STAU2: variants seen among roughly 807,000 people sequenced by gnomAD.
The protein encoded by STAU2 is staufen double-stranded RNA binding protein 2.
STAU2 carries 20 observed loss-of-function variants against 65.9 expected under a neutral mutation model. The ratio of observed to expected loss-of-function variants is 0.30; its 90% CI spans 0.21 to 0.44. The LOEUF is 0.44. Among genes scored for constraint, STAU2 ranks in the 20% least tolerant of loss-of-function variants. The pLI, the probability that STAU2 is intolerant of heterozygous loss-of-function variation, is 1.00. For synonymous variants in STAU2, 232 were observed against 233.9 expected (o/e 0.99, Z 0.07); for missense variants, 558 against 683.9 (o/e 0.82, Z 2.05).
intron 4 of STAU2, among the ~76,000 whole-genome samples, chr8:73,704,652 A>G (rs1168241787): frequency 1.3e-5 from 2 of 152,180 alleles, no homozygotes; most frequent in South Asian, 2.1e-4. Flanking sequence ...CAAATTTTTC[A>G]TAATAAATTA....
chr8:73,598,392 T>A (rs1811370749), intron 10 of STAU2, among the ~76,000 whole-genome samples: 1 of 152,126 alleles, frequency 6.6e-6, no homozygotes, highest in African/African-American at 2.4e-5. Flanking sequence ...CATGCCCGGC[T>A]AATTTTTTGT....
intron 13 of STAU2, among the ~76,000 whole-genome samples, chr8:73,487,963 G>A (rs1820998036): frequency 6.6e-6 from 1 of 151,878 alleles, no homozygotes; most frequent in African/African-American, 2.4e-5. Context: ...TATATTCTTT[G>A]GGAAAAAAAT....
At chr8:73,616,649 T>C (rs1250767421) in intron 7 of STAU2, among the ~76,000 whole-genome samples, 1 of 151,982 alleles carries the variant, frequency 6.6e-6, no homozygotes, top group Non-Finnish European at 1.5e-5. Flanking sequence ...ATACAAAAAA[T>C]TAGCTGGGCG....
intron 13 of STAU2, among the ~76,000 whole-genome samples, chr8:73,466,149 T>C (rs928671445): frequency 2.0e-5 from 3 of 152,242 alleles, no homozygotes; most frequent in Non-Finnish European, 2.9e-5. Flanking sequence ...AGCACACTTG[T>C]AGACCTCACA....
intron 13 of STAU2, among the ~76,000 whole-genome samples, chr8:73,473,658 G>T (rs980683488): frequency 6.6e-6 from 1 of 152,078 alleles, no homozygotes; most frequent in African/African-American, 2.4e-5. Flanking sequence ...AGAGAGAAAC[G>T]GCCAGAGGCT....
intron 13 of STAU2, among the ~76,000 whole-genome samples, chr8:73,497,156 CT>C (rs1821463797): frequency 6.6e-6 from 1 of 151,616 alleles, no homozygotes; most frequent in Non-Finnish European, 1.5e-5. Context: ...TGAACTCAAC[CT>C]CACAGAAAGT....
intron 13 of STAU2, among the ~76,000 whole-genome samples, chr8:73,504,784 T>C (rs898072571): frequency 1.3e-5 from 2 of 152,136 alleles, no homozygotes; most frequent in African/African-American, 4.8e-5. Flanking sequence ...TTAAATAATT[T>C]CTCCAAATTG....
chr8:73,551,887 T>G (rs909934738), intron 13 of STAU2, 125 bp downstream of exon 13: 9 of 1,349,862 alleles, frequency 6.7e-6, no homozygotes, highest in Non-Finnish European at 8.6e-6. Flanking sequence ...TGTTCCTAAA[T>G]AACTTAAAAC....
At chr8:73,533,776 C>T (rs1159276947) in intron 13 of STAU2, among the ~76,000 whole-genome samples, 1 of 152,068 alleles carries the variant, frequency 6.6e-6, no homozygotes, top group African/African-American at 2.4e-5. Flanking sequence ...ACATAAAATG[C>T]TAGGTGTGTG....
chr8:73,604,421 G>A (rs539201187), intron 9 of STAU2, among the ~76,000 whole-genome samples: 1 of 152,018 alleles, frequency 6.6e-6, no homozygotes, highest in Admixed American at 6.6e-5. Flanking sequence ...GTAGAGATGG[G>A]GTTTCATCAT....
At chr8:73,487,072 C>G (rs1466778712) in intron 13 of STAU2, among the ~76,000 whole-genome samples, 1 of 152,068 alleles carries the variant, frequency 6.6e-6, no homozygotes, top group African/African-American at 2.4e-5. Context: ...CCATTGAACT[C>G]TTGAGACGTC....
intron 10 of STAU2, among the ~76,000 whole-genome samples, chr8:73,599,518 A>G (rs572324515): frequency 1.3e-5 from 2 of 152,326 alleles, no homozygotes; most frequent in East Asian, 3.9e-4. Flanking sequence ...AAAAAGTTAG[A>G]AAGTTTCAAT....
At chr8:73,702,406 T>C (rs78847076) in intron 4 of STAU2, among the ~76,000 whole-genome samples, 1 of 152,082 alleles carries the variant, frequency 6.6e-6, no homozygotes, top group Non-Finnish European at 1.5e-5. Context: ...TGAGAAAATT[T>C]TGTGGGACAA....
At chr8:73,707,764 T>C (rs1244226941) in intron 4 of STAU2, among the ~76,000 whole-genome samples, 2 of 151,840 alleles carry the variant, frequency 1.3e-5, no homozygotes, top group East Asian at 1.9e-4. Context: ...AGCACAAAAC[T>C]AATGACCAAC....
intron 6 of STAU2, among the ~76,000 whole-genome samples, chr8:73,657,901 C>A (rs750914763): frequency 2.0e-5 from 3 of 151,950 alleles, no homozygotes; most frequent in Non-Finnish European, 4.4e-5. Context: ...GTAATCCCAG[C>A]TACTAGGGAA....
At chr8:73,674,143 AACTT>A (rs1172825980) in intron 5 of STAU2, among the ~76,000 whole-genome samples, 2 of 151,284 alleles carry the variant, frequency 1.3e-5, no homozygotes, top group Admixed American at 6.6e-5. Flanking sequence ...AAAAAAAAAA[AACTT>A]ACTTAGGAAT....
chr8:73,741,765 G>A (rs1046810554), intron 1 of STAU2, among the ~76,000 whole-genome samples: 9 of 152,042 alleles, frequency 5.9e-5, no homozygotes, highest in East Asian at 1.9e-4. Context: ...CATCTGCCTC[G>A]GCCTCCCAAA....
intron 1 of STAU2, among the ~76,000 whole-genome samples, chr8:73,745,080 A>T (rs1225819927): frequency 6.6e-6 from 1 of 152,236 alleles, no homozygotes; most frequent in African/African-American, 2.4e-5. Flanking sequence ...CTTAGGAATA[A>T]ATTTCAGACT....
chr8:73,728,229 T>C (rs980465795), intron 3 of STAU2, among the ~76,000 whole-genome samples: 3 of 152,202 alleles, frequency 2.0e-5, no homozygotes, highest in Non-Finnish European at 4.4e-5. Context: ...CCTGGCATGT[T>C]TGTTAAAAAT....
Sources: gnomAD v4.1 joint callset for allele counts (sites outside exome capture counted in the v4.1 genomes callset) on GRCh38, gnomAD v4.1.1 for gene constraint, MANE v1.5 for transcripts, NCBI Gene and HGNC (gene_info 2026-07-23, HGNC 2026-07-21) for gene names.